The following MRPL33 variants were observed in gnomAD, a reference collection of about 807,000 sequenced individuals.
MRPL33 encodes the protein mitochondrial ribosomal protein L33, also known as large ribosomal subunit protein bL33m.
MRPL33 carries 5 observed loss-of-function variants against 10.1 expected under a neutral mutation model. The observed-to-expected ratio is 0.49, with a 90% CI of 0.26 to 1.04. The LOEUF is 1.04. Ranked by LOEUF, MRPL33 falls within the 50% of genes least tolerant of loss-of-function variation. The pLI is 0.14. For synonymous variants in MRPL33, 24 were observed against 27.7 expected (o/e 0.87, Z 0.42); for missense variants, 79 against 78.1 (o/e 1.01, Z -0.04).
At chr2:27,773,509 A>G (rs1275822621) in intron 2 of MRPL33, among the ~76,000 whole-genome samples, 2 of 152,046 alleles carry the variant, frequency 1.3e-5, no homozygotes, top group African/African-American at 4.8e-5. Flanking sequence ...CGTTCTTTCT[A>G]CCCTTGTGAC....
intron 2 of MRPL33, 77 bp downstream of exon 2, chr2:27,772,769 C>G: frequency 1.7e-6 from 2 of 1,179,974 alleles, no homozygotes; most frequent in Non-Finnish European, 2.4e-6. Flanking sequence ...CCAGTACATC[C>G]TTATATGAAA....
intron 1 of MRPL33, 78 bp downstream of exon 1, chr2:27,771,877 C>A: frequency 7.0e-7 from 1 of 1,424,658 alleles, no homozygotes. Flanking sequence ...CGGAATGATG[C>A]GGGGAAGGAT....
rs1009647851 is a variant in MRPL33, at chr2:27,775,443, C to G, written c.148+913C>G. ...TTCGGCTCACTGCAACCTCTGCCTC[C>G]TGGGTTCAAGTGATTCTCCTGCTTC... On this transcript the variant is annotated intron_variant, in intron 3 of 3. Coordinates refer to ENST00000296102, the MANE Select transcript of MRPL33 (RefSeq NM_004891.4). Among the ~76,000 whole-genome samples, 9 of 150,960 alleles carry G rather than the reference C, an allele frequency of 6.0e-5. No homozygotes were observed. In the East Asian group the frequency reaches 1.7e-3, roughly 29 times the overall value.
intron 3 of MRPL33, among the ~76,000 whole-genome samples, chr2:27,777,273 C>T (rs780329036): frequency 1.3e-5 from 2 of 152,080 alleles, no homozygotes; most frequent in African/African-American, 4.8e-5. Context: ...ACTAATCCTC[C>T]TACCTCAGTC....
chr2:27,777,961 C>G (rs1677206777), intron 3 of MRPL33, among the ~76,000 whole-genome samples: 1 of 152,136 alleles, frequency 6.6e-6, no homozygotes, highest in Admixed American at 6.5e-5. Context: ...TTACTACCAT[C>G]TTGTAATGCA....
intron 3 of MRPL33, 133 bp from the exon 4 acceptor site, chr2:27,779,300 C>A: frequency 8.9e-7 from 1 of 1,128,282 alleles, no homozygotes; most frequent in Non-Finnish European, 1.2e-6. Flanking sequence ...GTTTGCAAAT[C>A]AGCTCCATCT....
At chr2:27,777,272 C>T (rs1482179411) in intron 3 of MRPL33, among the ~76,000 whole-genome samples, 1 of 152,118 alleles carries the variant, frequency 6.6e-6, no homozygotes, top group African/African-American at 2.4e-5. Flanking sequence ...TACTAATCCT[C>T]CTACCTCAGT....
rs1256368544 is a variant in MRPL33 at position 27,771,813 on chromosome 2, G to C, written c.22+14G>C. ...CCGCGGTCTTCTGTAAGTGGGGCTG[G>C]AGACGCCGGTAGGGGTTACGGCGAG... On this transcript the variant is annotated intron_variant, in intron 1 of 3. Coordinates refer to ENST00000296102, the MANE Select transcript of MRPL33 (RefSeq NM_004891.4). 1.9e-6 allele frequency: 3 copies of C among 1,613,264 alleles called. No individual in the cohort carries two copies. Among genetic ancestry groups the C allele is most frequent in the Non-Finnish European group, 2.5e-6 (3 of 1,179,412 alleles).
At chr2:27,772,873 C>T (rs1677079359) in intron 2 of MRPL33, 181 bp downstream of exon 2, 1 of 575,930 alleles carries the variant, frequency 1.7e-6, no homozygotes, top group Admixed American at 3.4e-5. Flanking sequence ...TATTTTCCCT[C>T]CTGCTGAACT....
chr2:27,773,644 C>T (rs1677093949), intron 2 of MRPL33, among the ~76,000 whole-genome samples: 1 of 152,244 alleles, frequency 6.6e-6, no homozygotes, highest in Non-Finnish European at 1.5e-5. Context: ...GTGCCTTCCA[C>T]AGAGTAAGTG....
At position 27,774,404 on chromosome 2, in the gene MRPL33, A is replaced by T. The variant is rs368601726; in HGVS notation, c.42-20A>T. On this transcript the variant is annotated intron_variant, in intron 2 of 3. Coordinates refer to ENST00000296102, the MANE Select transcript of MRPL33 (RefSeq NM_004891.4). Reference sequence around the variant, plus strand: ...TTTATTTCGTCAGCTCGTACATAACAGCGTACTTTTTAATCTTAGAAACAT... The same window carrying T: ...TTTATTTCGTCAGCTCGTACATAACTGCGTACTTTTTAATCTTAGAAACAT... The T allele has an allele frequency of 6.2e-7, 1 of 1,600,350 alleles. No homozygotes were observed. Among genetic ancestry groups the T allele is most frequent in the Non-Finnish European group, 8.6e-7 (1 of 1,167,580 alleles).
intron 3 of MRPL33, among the ~76,000 whole-genome samples, chr2:27,775,980 A>G (rs1373633746): frequency 6.6e-6 from 1 of 152,224 alleles, no homozygotes; most frequent in Admixed American, 6.5e-5. Context: ...CAGCTGGTGA[A>G]AAGTCAAAGG....
chr2:27,771,842 T>G, intron 1 of MRPL33, 43 bp downstream of exon 1: 1 of 1,599,546 alleles, frequency 6.3e-7, no homozygotes. Context: ...CGGCGAGGGT[T>G]AGGGGGCCGT....
Position 27,774,504 on chromosome 2 carries a change from T to C in MRPL33, c.122T>C (p.Leu41Pro). The C allele has an allele frequency of 6.2e-7, 1 of 1,614,042 alleles. No homozygotes were observed. Among genetic ancestry groups the C allele is most frequent in the Non-Finnish European group, 8.5e-7 (1 of 1,179,878 alleles). ...NTKRNRLREK[L>P]TLLHYDPVVK... ...AAGAGAAACCGACTGCGGGAAAAAC[T>C]GACTCTTTTGCATTATGATCCAGTT... Residue 41 changes from leucine (L) to proline (P), a missense_variant, in exon 3 of 4, where the codon CTG becomes CCG. Transcript: ENST00000296102.
At chr2:27,779,035 C>T (rs574012395) in intron 3 of MRPL33, among the ~76,000 whole-genome samples, 11 of 152,334 alleles carry the variant, frequency 7.2e-5, no homozygotes, top group African/African-American at 9.6e-5. Context: ...TTCCAGACAG[C>T]GTGGTCCACT....
rs769129887 is a variant in MRPL33 at position 27,774,509 on chromosome 2, CTT to C, written c.130_131del (p.Leu44AlafsTer3). ...AAACCGACTGCGGGAAAAACTGACTCTTTTGCATTATGATCCAGTTGGTAAGA... is the reference window on the plus strand; with the variant it reads ...AAACCGACTGCGGGAAAAACTGACTCTTGCATTATGATCCAGTTGGTAAGA... ...KRNRLREKLT[L>X]LHYDPVVKQR... On this transcript the variant is annotated frameshift_variant, in exon 3 of 4. Transcript: ENST00000296102. LOFTEE classifies it high-confidence loss of function. 6 of 1,614,004 alleles carry C rather than the reference CTT, an allele frequency of 3.7e-6. No homozygotes were observed. In the East Asian group the frequency reaches 6.7e-5, roughly 18 times the overall value.
intron 2 of MRPL33, 72 bp downstream of exon 2, chr2:27,772,764 A>G (rs1677078092): frequency 8.3e-7 from 1 of 1,209,788 alleles, no homozygotes; most frequent in African/African-American, 1.5e-5. Context: ...TGCTCCCAGT[A>G]CATCCTTATA....
At position 27,771,933 on chromosome 2, in the gene MRPL33, T is replaced by G. The variant is rs1573022320; in HGVS notation, c.22+134T>G. 4.3e-6 allele frequency: 4 copies of G among 940,116 alleles called. No individual in the cohort carries two copies. In the Admixed American group the frequency reaches 7.9e-5, roughly 19 times the overall value. The allele number at this position is 940,116 out of a possible 1,614,324, so 58.2% of individuals were successfully genotyped here. On this transcript the variant is annotated intron_variant, in intron 1 of 3. Coordinates refer to ENST00000296102, the MANE Select transcript of MRPL33 (RefSeq NM_004891.4). ...TGCAGCTGCGTACTTTTCCAGGCCTTCAGGACCACAGCGTCCGGCATGCCC... is the reference window on the plus strand; with the variant it reads ...TGCAGCTGCGTACTTTTCCAGGCCTGCAGGACCACAGCGTCCGGCATGCCC...
In MRPL33 at chr2:27,771,819, C is replaced by G. The variant is rs1255585595; in HGVS notation, c.22+20C>G. The G allele has an allele frequency of 3.7e-6, 6 of 1,612,308 alleles. No homozygotes were observed. The African/African-American group carries it at 8.0e-5, about 22-fold the overall frequency. On this transcript the variant is annotated intron_variant, in intron 1 of 3. Coordinates refer to ENST00000296102, the MANE Select transcript of MRPL33 (RefSeq NM_004891.4). The stretch of plus-strand genomic sequence containing the variant: ...TCTTCTGTAAGTGGGGCTGGAGACG[C>G]CGGTAGGGGTTACGGCGAGGGTTAG...
Sources: allele counts gnomAD v4.1 joint callset (sites outside exome capture counted in the v4.1 genomes callset), GRCh38; gene constraint gnomAD v4.1.1; transcripts MANE v1.5; gene names NCBI Gene and HGNC (gene_info 2026-07-23, HGNC 2026-07-21).